MASP2: variants seen among roughly 807,000 people sequenced by gnomAD.
MASP2 encodes mannan-binding lectin serine protease 2.
MASP2 carries 49 observed loss-of-function variants against 57.1 expected under a neutral mutation model. The observed-to-expected ratio is 0.86, with a 90% CI of 0.68 to 1.09. The LOEUF (loss-of-function observed/expected upper bound fraction) is 1.09, where lower values mean the gene tolerates loss of function less well. Ranked by LOEUF, MASP2 falls within the 50% of genes least tolerant of loss-of-function variation. The pLI is 0.00. For synonymous variants in MASP2, 379 were observed against 340.8 expected (o/e 1.11, Z -1.24); for missense variants, 900 against 874.8 (o/e 1.03, Z -0.36).
chr1:11,028,387 G>T (rs1643775949), intron 10 of MASP2, among the ~76,000 whole-genome samples: 1 of 152,160 alleles, frequency 6.6e-6, no homozygotes, highest in Non-Finnish European at 1.5e-5. Context: ...ACTAAAGTCA[G>T]TATCAGGATT....
chr1:11,045,007 C>G, intron 4 of MASP2: 1 of 1,569,410 alleles, frequency 6.4e-7, no homozygotes, highest in Non-Finnish European at 8.7e-7. Flanking sequence ...GAAACCGAGT[C>G]GGGGGAGGCA....
Position 11,046,886 on chromosome 1 carries a change from G to A in MASP2, c.234+5C>T, listed in dbSNP as rs1243654889. On this transcript the variant is annotated splice_donor_5th_base_variant and intron_variant, in intron 2 of 10. Coordinates refer to ENST00000400897, the MANE Select transcript of MASP2 (RefSeq NM_006610.4). ...GAAACCCCAGCCCTCCCGTCCTGAC[G>A]GCACCTTGACGAAGTCGTACTCGCA... The A allele has an allele frequency of 9.0e-6, 14 of 1,562,176 alleles. No homozygotes were observed. In the East Asian group the frequency reaches 1.7e-4, roughly 19 times the overall value.
At position 11,045,403 on chromosome 1, in the gene MASP2, C is replaced by G; in HGVS notation, c.544+5G>C. On this transcript the variant is annotated splice_donor_5th_base_variant and intron_variant, in intron 4 of 10. Coordinates refer to ENST00000400897, the MANE Select transcript of MASP2 (RefSeq NM_006610.4). ...GTGCGTTGGGGCCCAGGCAGCCTCC[C>G]TCACCTGAGCAGGTGCGCTTGTTAC... is the stretch of plus-strand genomic sequence containing the variant. 1 of 1,613,054 alleles carries G rather than the reference C, an allele frequency of 6.2e-7. No homozygotes were observed. The highest frequency in any genetic ancestry group is 8.5e-7 in the Non-Finnish European group (1 of 1,179,966).
Position 11,030,235 on chromosome 1 carries a change from T to TCA in MASP2, c.1236_1237dup (p.Glu413ValfsTer50), listed in dbSNP as rs761591754. On this transcript the variant is annotated frameshift_variant, in exon 10 of 11. Coordinates refer to ENST00000400897, the MANE Select transcript of MASP2 (RefSeq NM_006610.4). LOFTEE classifies it high-confidence loss of function. ...GGAGCTCGTCCAGAATCCATCAGCC[T>TCA]CACACACATATTTACCTGCAAATCA... The TCA allele has an allele frequency of 6.2e-7, 1 of 1,613,346 alleles. No homozygotes were observed. The highest frequency in any genetic ancestry group is 1.3e-5 in the African/African-American group (1 of 74,912).
At position 11,046,851 on chromosome 1, in the gene MASP2, C is replaced by T. The variant is rs1429755440; in HGVS notation, c.234+40G>A. The T allele has an allele frequency of 3.2e-6, 5 of 1,551,314 alleles. No individual in the cohort carries two copies. The Admixed American group carries it at 5.9e-5, about 18-fold the overall frequency. ...ACCCTGGCTACTCCTTGGGGACCCCCCGACCCTGAGAAACCCCAGCCCTCC... is the reference window on the plus strand; with the variant it reads ...ACCCTGGCTACTCCTTGGGGACCCCTCGACCCTGAGAAACCCCAGCCCTCC... On this transcript the variant is annotated intron_variant, in intron 2 of 10. Coordinates refer to ENST00000400897, the MANE Select transcript of MASP2 (RefSeq NM_006610.4).
intron 4 of MASP2, 85 bp from the exon 5 acceptor site, chr1:11,043,620 A>G (rs1482452221): frequency 2.2e-6 from 2 of 914,012 alleles, no homozygotes; most frequent in Non-Finnish European, 3.3e-6. Flanking sequence ...CTTGGGGAGC[A>G]GGAAACTGGG....
At chr1:11,032,644 C>T (rs1643863150) in intron 8 of MASP2, among the ~76,000 whole-genome samples, 1 of 146,474 alleles carries the variant, frequency 6.8e-6, no homozygotes, top group South Asian at 2.2e-4. Context: ...CACGGTGGCT[C>T]ACGCCTGTAA....
At chr1:11,034,934 T>G in intron 7 of MASP2, 28 bp from the exon 8 acceptor site, 1 of 1,488,634 alleles carries the variant, frequency 6.7e-7, no homozygotes, top group Non-Finnish European at 9.3e-7. Context: ...ATATATTAAT[T>G]TCCTTGTTTA....
At position 11,030,157 on chromosome 1, in the gene MASP2, GTATAAATGTATC is replaced by G; in HGVS notation, c.1297+7_1297+18del. 6.3e-7 allele frequency: 1 copy of G among 1,581,970 alleles called. No individual in the cohort carries two copies. Among genetic ancestry groups the G allele is most frequent in the South Asian group, 1.1e-5 (1 of 89,962 alleles). ...CCTTTCCATCAATTACCAGTCTCTT[GTATAAATGTATC>G]CATTACCAGGCTCACAGACTGGGAG... On this transcript the variant is annotated splice_region_variant and intron_variant, in intron 10 of 10. Transcript: ENST00000400897.
chr1:11,034,554 C>T (rs1029573950), intron 8 of MASP2, among the ~76,000 whole-genome samples: 5 of 151,700 alleles, frequency 3.3e-5, no homozygotes, highest in Non-Finnish European at 5.9e-5. Flanking sequence ...AAAAATTAGC[C>T]AGGCGTGGTG....
chr1:11,038,930 T>C (rs373183126), intron 6 of MASP2, among the ~76,000 whole-genome samples: 9 of 152,182 alleles, frequency 5.9e-5, no homozygotes, highest in African/African-American at 2.2e-4. Context: ...TGGTCAGAAC[T>C]CCTTTTTCCC....
intron 10 of MASP2, among the ~76,000 whole-genome samples, chr1:11,029,454 TAAAAA>T (rs749524864): frequency 1.5e-4 from 22 of 147,400 alleles, no homozygotes; most frequent in East Asian, 5.9e-4. Context: ...CAATTCTGGT[TAAAAA>T]AAAAAGTACT....
chr1:11,031,231 G>A (rs1012802327), intron 8 of MASP2, among the ~76,000 whole-genome samples: 1 of 151,406 alleles, frequency 6.6e-6, no homozygotes, highest in Non-Finnish European at 1.5e-5. Flanking sequence ...TCAAATATAA[G>A]AAAGATCTGC....
At chr1:11,039,450 ATAAG>A (rs1638349102) in intron 6 of MASP2, among the ~76,000 whole-genome samples, 2 of 131,028 alleles carry the variant, frequency 1.5e-5, no homozygotes, top group South Asian at 2.5e-4. Flanking sequence ...GGATAGAAAG[ATAAG>A]TAAGGTAGAA....
rs201189421 is a variant in MASP2 at position 11,043,387 on chromosome 1, G to T, written c.693C>A (p.Phe231Leu). The T allele has an allele frequency of 6.2e-7, 1 of 1,609,786 alleles. No individual in the cohort carries two copies. Among genetic ancestry groups the T allele is most frequent in the African/African-American group, 1.3e-5 (1 of 74,828 alleles). ...GGGTTTCAGGGTGTGTCTCCACATC[G>T]AAGGACTCCACAAAGTCCAGAATGA... The part of the protein sequence containing the change: ...FSVILDFVES[F>L]DVETHPETLC... Residue 231 changes from phenylalanine (F) to leucine (L), a missense_variant, in exon 5 of 11, where the codon TTC becomes TTA. Physicochemically the swap from Phe to Leu is conservative, Grantham distance 22 (BLOSUM62 0). Transcript: ENST00000400897.
chr1:11,045,040 C>T, intron 4 of MASP2: 1 of 1,295,876 alleles, frequency 7.7e-7, no homozygotes, highest in Non-Finnish European at 1.1e-6. Context: ...GCAGGTGGGG[C>T]TGCCCACGCC....
Position 11,027,141 on chromosome 1 carries a change from T to A in MASP2, c.1805A>T (p.Tyr602Phe). 6.2e-7 allele frequency: 1 copy of A among 1,613,394 alleles called. No homozygotes were observed. The highest frequency in any genetic ancestry group is 8.5e-7 in the Non-Finnish European group (1 of 1,179,742). Reference protein sequence around the residue: ...IVDHQKCTAAYEKPPYPRGSV... With the variant: ...IVDHQKCTAAFEKPPYPRGSV... ...TCCCCTTGGATAGGGTGGCTTTTCA[T>A]ATGCAGCAGTACATTTTTGATGGTC... The change falls in exon 11 of 11, where the codon TAT becomes TTT. Residue 602 changes from tyrosine (Y) to phenylalanine (F), a missense_variant. Tyr to Phe is a conservative substitution (Grantham distance 22, BLOSUM62 3). Transcript: ENST00000400897.
chr1:11,027,918 T>C (rs1643767143), intron 10 of MASP2, among the ~76,000 whole-genome samples: 1 of 152,148 alleles, frequency 6.6e-6, no homozygotes, highest in Admixed American at 6.6e-5. Flanking sequence ...CTAAAATAAT[T>C]TGGTCTATAA....
Position 11,047,005 on chromosome 1 carries a change from G to A in MASP2, c.120C>T (p.Ala40=). The A allele has an allele frequency of 6.4e-7, 1 of 1,553,720 alleles. No homozygotes were observed. Among genetic ancestry groups the A allele is most frequent in the South Asian group, 1.2e-5 (1 of 84,260 alleles). The part of the protein sequence containing the change: ...LASPGFPGEY[A]NDQERRWTLT... ...GGGTCCAGCGCCGCTCCTGGTCATT[G>A]GCATACTCCCCTGGAAAGCCGGGGG... The change falls in exon 2 of 11, where the codon GCC becomes GCT. Residue 40 remains alanine (A), a synonymous_variant. Coordinates refer to ENST00000400897, the MANE Select transcript of MASP2 (RefSeq NM_006610.4).
Sources: allele counts gnomAD v4.1 joint callset (sites outside exome capture counted in the v4.1 genomes callset), GRCh38; gene constraint gnomAD v4.1.1; transcripts MANE v1.5; gene names NCBI Gene and HGNC (gene_info 2026-07-23, HGNC 2026-07-21).